The following BANP variants were observed in gnomAD, a reference collection of about 807,000 sequenced individuals.
BANP encodes BTG3 associated nuclear protein.
In BANP, 11 loss-of-function variants were observed where a neutral mutation model predicts 68.1. That is an observed-to-expected ratio of 0.16 (90% confidence interval 0.10 to 0.27). The LOEUF is 0.27. Among genes scored for constraint, BANP ranks in the 10% least tolerant of loss-of-function variants. The pLI, the probability that BANP is intolerant of heterozygous loss-of-function variation, is 1.00. For synonymous variants in BANP, 329 were observed against 303.2 expected (o/e 1.09, Z -0.88); for missense variants, 504 against 722.7 (o/e 0.70, Z 3.47).
intron 10 of BANP, chr16:88,037,514 G>A (rs1380506748): frequency 1.3e-5 from 2 of 158,762 alleles, no homozygotes; most frequent in African/African-American, 2.4e-5. Context: ...TCTAACTGGA[G>A]AGCTCTTAGT....
At chr16:88,044,436 T>G (rs947860672) in intron 11 of BANP, among the ~76,000 whole-genome samples, 5 of 152,252 alleles carry the variant, frequency 3.3e-5, no homozygotes, top group Admixed American at 6.5e-5. Flanking sequence ...AGAACGGTAT[T>G]ACTGCGTGCT....
intron 9 of BANP, among the ~76,000 whole-genome samples, chr16:88,033,529 T>G (rs2078656844): frequency 6.6e-6 from 1 of 152,160 alleles, no homozygotes; most frequent in Non-Finnish European, 1.5e-5. Flanking sequence ...GGCAGTCAGC[T>G]CCAAGGGTCA....
At chr16:87,983,660 G>A (rs2063733760) in intron 3 of BANP, among the ~76,000 whole-genome samples, 1 of 152,054 alleles carries the variant, frequency 6.6e-6, no homozygotes, top group South Asian at 2.1e-4. Context: ...AGGCGAATGT[G>A]CGTGGCCTGT....
At chr16:88,027,459 T>C (rs2077232896) in intron 7 of BANP, 24 bp from the exon 8 acceptor site, 1 of 1,612,202 alleles carries the variant, frequency 6.2e-7, no homozygotes, top group African/African-American at 1.3e-5. Flanking sequence ...GCCTCACCGC[T>C]TCTCCTTGGA....
At chr16:88,060,653 G>A (rs1334650141) in intron 11 of BANP, among the ~76,000 whole-genome samples, 1 of 152,170 alleles carries the variant, frequency 6.6e-6, no homozygotes, top group Non-Finnish European at 1.5e-5. Context: ...CTTTCTGTGG[G>A]GAGCGAGAGG....
At chr16:88,056,635 C>A (rs1237860455) in intron 11 of BANP, among the ~76,000 whole-genome samples, 1 of 152,214 alleles carries the variant, frequency 6.6e-6, no homozygotes, top group Non-Finnish European at 1.5e-5. Flanking sequence ...ACGCTTCACG[C>A]TGGCCCCTGC....
chr16:88,056,993 C>T (rs1247748824), intron 11 of BANP, among the ~76,000 whole-genome samples: 3 of 152,214 alleles, frequency 2.0e-5, no homozygotes, highest in Non-Finnish European at 4.4e-5. Context: ...TGATTTAAAA[C>T]TCTGTAACTC....
rs1160891723 is a variant in BANP at position 88,071,493 on chromosome 16, G to A, written c.1378-576G>A. The stretch of plus-strand genomic sequence containing the variant: ...GTCGGGAGGGCCAGCGGGGCTCTCT[G>A]CCACCAGGACTCACTTCCGCCCATC... On this transcript the variant is annotated intron_variant, in intron 12 of 13. Transcript: ENST00000682872. This position sits in a 1 kb window ranked among gnomAD's most constrained non-coding sequence, Gnocchi z 6.5. 2.2e-6 allele frequency: 1 copy of A among 456,280 alleles called. No individual in the cohort carries two copies. The highest frequency in any genetic ancestry group is 4.4e-6 in the Non-Finnish European group (1 of 226,848). 28.3% of individuals were successfully genotyped at this position (456,280 alleles called of 1,614,324 possible).
chr16:88,060,424 G>A (rs1567907946), intron 11 of BANP, among the ~76,000 whole-genome samples: 1 of 152,244 alleles, frequency 6.6e-6, no homozygotes, highest in South Asian at 2.1e-4. Flanking sequence ...ATCAGCTGAC[G>A]TTGGACACGC....
At chr16:88,012,551 C>T (rs2073439866) in intron 6 of BANP, among the ~76,000 whole-genome samples, 1 of 152,140 alleles carries the variant, frequency 6.6e-6, no homozygotes, top group African/African-American at 2.4e-5. Flanking sequence ...TGTTCACTAT[C>T]CTGCTGGAGA....
rs1396138064 is a variant in BANP, at chr16:88,064,128, G to T, written c.1312-1139G>T. Among the ~76,000 whole-genome samples the T allele has an allele frequency of 1.3e-5, 2 of 151,822 alleles. No homozygotes were observed. The highest frequency in any genetic ancestry group is 2.9e-5 in the Non-Finnish European group (2 of 67,914). ...CAGGCACCGGCGCTGGGGGACCAGG[G>T]TCAGGGGGCTCTCTTCAGAGACGGC... is the stretch of plus-strand genomic sequence containing the variant. On this transcript the variant is annotated intron_variant, in intron 11 of 13. Transcript: ENST00000682872. The surrounding 1 kb of genome is among the most constrained non-coding windows in gnomAD (Gnocchi z 4.5).
rs370167606 is a variant in BANP at position 88,030,277 on chromosome 16, A to C, written c.1063+2627A>C. On this transcript the variant is annotated intron_variant, in intron 8 of 13. Coordinates refer to ENST00000682872, the MANE Select transcript of BANP (RefSeq NM_001386991.1). ...GCAAATAGGAAGGGACCCTGTCTGG[A>C]ATTAACTGACCAGGACATTGAAATC... is the stretch of plus-strand genomic sequence containing the variant. Among the ~76,000 whole-genome samples the C allele has an allele frequency of 1.5e-3, 229 of 152,316 alleles. 2 individuals are homozygous for C. The highest frequency in any genetic ancestry group is 5.3e-3 in the African/African-American group (222 of 41,568).
intron 11 of BANP, among the ~76,000 whole-genome samples, chr16:88,049,783 C>T (rs1448500525): frequency 1.3e-5 from 2 of 152,062 alleles, no homozygotes; most frequent in African/African-American, 4.8e-5. Context: ...GTGCTGTGGC[C>T]ACACGCTCAG....
chr16:88,032,750 C>T (rs534805548), intron 8 of BANP, among the ~76,000 whole-genome samples: 1 of 152,284 alleles, frequency 6.6e-6, no homozygotes, highest in Non-Finnish European at 1.5e-5. Context: ...GCGGATGAGA[C>T]TTTTGCTCTA....
At chr16:87,951,852 C>A (rs765294801) in intron 1 of BANP, among the ~76,000 whole-genome samples, 1 of 152,136 alleles carries the variant, frequency 6.6e-6, no homozygotes, top group South Asian at 2.1e-4. Context: ...GGACCCGGAG[C>A]CACGGCGGGG....
At chr16:87,979,480 G>C (rs565131550) in intron 2 of BANP, among the ~76,000 whole-genome samples, 1 of 129,730 alleles carries the variant, frequency 7.7e-6, no homozygotes, top group Admixed American at 7.4e-5. Flanking sequence ...CATTTGAGTG[G>C]GGCTGGACAG....
chr16:87,987,569 T>TA (rs944256186), intron 4 of BANP, among the ~76,000 whole-genome samples: 199 of 150,056 alleles, frequency 1.3e-3, no homozygotes, highest in African/African-American at 4.7e-3. Flanking sequence ...CACAAAAAAA[T>TA]AAAAAAAATT....
chr16:88,028,118 A>G (rs911903611), intron 8 of BANP, among the ~76,000 whole-genome samples: 6 of 152,104 alleles, frequency 3.9e-5, no homozygotes, highest in African/African-American at 1.2e-4. Context: ...CGCTGGGGGG[A>G]TTGTTCTCCT....
chr16:88,047,068 A>C (rs1421816073), intron 11 of BANP, among the ~76,000 whole-genome samples: 1 of 136,034 alleles, frequency 7.4e-6, no homozygotes, highest in Non-Finnish European at 1.5e-5. Context: ...TCCGTCTCAA[A>C]AAAGAAAAAA....
Sources: gnomAD v4.1 joint callset for allele counts (sites outside exome capture counted in the v4.1 genomes callset) on GRCh38, gnomAD v4.1.1 for gene constraint, Gnocchi (gnomAD v3.1) non-coding constraint, MANE v1.5 for transcripts, NCBI Gene and HGNC (gene_info 2026-07-23, HGNC 2026-07-21) for gene names.